Variants in CA4 observed in about 807,000 individuals in gnomAD.
CA4 encodes the protein carbonic anhydrase 4, also known as CA-IV.
CA4 carries 24 observed loss-of-function variants against 34.5 expected under a neutral mutation model. That is an observed-to-expected ratio of 0.70 (90% CI 0.50 to 0.98). CA4 has a LOEUF of 0.98. Among genes scored for constraint, CA4 ranks in the 50% least tolerant of loss-of-function variants. CA4 has a pLI of 0.00. For missense variants in CA4, 394 were observed against 396.7 expected, an observed-to-expected ratio of 0.99 and a Z score of 0.06; for synonymous variants, 178 against 170.6, an observed-to-expected ratio of 1.04 and a Z score of -0.34.
chr17:60,154,468 T>C (rs2083645275), intron 1 of CA4, among the ~76,000 whole-genome samples: 2 of 152,206 alleles, frequency 1.3e-5, no homozygotes, highest in South Asian at 2.1e-4. Flanking sequence ...GGATGAGATG[T>C]TGTGTTCGCC....
Position 60,158,415 on chromosome 17 carries a change from T to A in CA4, c.713T>A (p.Phe238Tyr), listed in dbSNP as rs751538704. Residue 238 changes from phenylalanine (F) to tyrosine (Y), a missense_variant, in exon 7 of 8, where the codon TTC (phenylalanine) becomes TAC (tyrosine). Physicochemically the swap from Phe to Tyr is conservative, Grantham distance 22. Coordinates refer to ENST00000300900, the MANE Select transcript of CA4 (RefSeq NM_000717.5). The stretch of plus-strand genomic sequence containing the variant: ...GATGAGAAGGTCGTCTGGACTGTGT[T>A]CCGGGAGCCCATTCAGCTTCACAGA... The part of the protein sequence containing the change: ...TCDEKVVWTV[F>Y]REPIQLHREQ... 3.3e-5 allele frequency: 53 copies of A among 1,614,040 alleles called. No homozygotes were observed. Among genetic ancestry groups the A allele is most frequent in the Non-Finnish European group, 4.4e-5 (52 of 1,180,014 alleles).
intron 7 of CA4, chr17:60,158,895 G>A: frequency 2.3e-6 from 1 of 439,874 alleles, no homozygotes; most frequent in Non-Finnish European, 4.2e-6. Flanking sequence ...CCAGGCATCT[G>A]GGGCCCAACA....
intron 5 of CA4, among the ~76,000 whole-genome samples, chr17:60,164,772 C>T (rs1376253979): frequency 6.6e-6 from 1 of 152,044 alleles, no homozygotes; most frequent in Non-Finnish European, 1.5e-5. Flanking sequence ...TGGGCTCTTC[C>T]TCCGAGACTC....
chr17:60,156,419 T>A lies in CA4; in HGVS notation c.113-141T>A, dbSNP rs549283805. On this transcript the variant is annotated intron_variant, in intron 2 of 7. Transcript: ENST00000300900. ...CGAGAGTGGAGTTCGGAGCTGAGCATCCCTGCAGCACAGCCTTCAGGCCAC... is the reference window on the plus strand; with the variant it reads ...CGAGAGTGGAGTTCGGAGCTGAGCAACCCTGCAGCACAGCCTTCAGGCCAC... 4 of 825,560 alleles carry A rather than the reference T, an allele frequency of 4.8e-6. No individual in the cohort carries two copies. In the African/African-American group the frequency reaches 5.0e-5, roughly 10 times the overall value. The allele number at this position is 825,560 out of a possible 1,614,324, so 51.1% of individuals were successfully genotyped here. A position where few individuals can be genotyped will look rare whatever the true frequency, so the allele number is the denominator to read the frequency against.
downstream of CA4, among the ~76,000 whole-genome samples, chr17:60,163,565 T>C (rs1232151514): frequency 6.6e-6 from 1 of 152,192 alleles, no homozygotes; most frequent in East Asian, 1.9e-4. Flanking sequence ...CTAGCCGCTC[T>C]GTTTGTTTAT....
chr17:60,162,810 G>C (rs2083807794), downstream of CA4, among the ~76,000 whole-genome samples: 1 of 152,196 alleles, frequency 6.6e-6, no homozygotes, highest in South Asian at 2.1e-4. Flanking sequence ...CCAAGGCACA[G>C]AGAGGGACGG....
At chr17:60,163,130 C>A (rs2145294294), downstream of CA4, among the ~76,000 whole-genome samples, 1 of 149,144 alleles carries the variant, frequency 6.7e-6, no homozygotes, top group African/African-American at 2.5e-5. Flanking sequence ...TGGCTCTGAT[C>A]TGACAATGTA....
chr17:60,162,151 C>T (rs151217524), downstream of CA4, among the ~76,000 whole-genome samples: 990 of 152,230 alleles, frequency 6.5e-3, 10 homozygotes, highest in African/African-American at 0.022. Context: ...GCCCTCCCTG[C>T]GGCCCAGAGG....
At chr17:60,164,144 TCCTCCCTCCCTC>T (rs770995303), downstream of CA4, among the ~76,000 whole-genome samples, 219 of 147,122 alleles carry the variant, frequency 1.5e-3, no homozygotes, top group African/African-American at 4.7e-3. Context: ...TAATCTTCCT[TCCTCCCTCCCTC>T]CCTCCCTCCC....
At chr17:60,173,364 A>C (rs1201250940), downstream of CA4, among the ~76,000 whole-genome samples, 2 of 152,146 alleles carry the variant, frequency 1.3e-5, no homozygotes, top group African/African-American at 4.8e-5. Flanking sequence ...TCCACTCAGC[A>C]CAAACAGGCT....
At chr17:60,171,869 A>G (rs1055040323), downstream of CA4, among the ~76,000 whole-genome samples, 1 of 152,192 alleles carries the variant, frequency 6.6e-6, no homozygotes. Flanking sequence ...CACAGGGGGA[A>G]CCGAGGCGCG....
downstream of CA4, among the ~76,000 whole-genome samples, chr17:60,161,675 C>G (rs889858175): frequency 3.3e-5 from 5 of 151,886 alleles, no homozygotes; most frequent in Non-Finnish European, 7.4e-5. Flanking sequence ...CCTCCCTCCT[C>G]CCTTTCCCTC....
intron 1 of CA4, among the ~76,000 whole-genome samples, chr17:60,154,451 A>G (rs1474082026): frequency 6.6e-6 from 1 of 152,178 alleles, no homozygotes; most frequent in Non-Finnish European, 1.5e-5. Flanking sequence ...CCAGAATTCC[A>G]AGCTCTGGAT....
intron 3 of CA4, chr17:60,157,089 C>T: frequency 1.9e-6 from 1 of 522,482 alleles, no homozygotes; most frequent in Non-Finnish European, 3.5e-6. Flanking sequence ...GGCCCAAGGG[C>T]AGATCACCCA....
downstream of CA4, among the ~76,000 whole-genome samples, chr17:60,161,518 G>T (rs2145289696): frequency 6.6e-6 from 1 of 152,168 alleles, no homozygotes; most frequent in East Asian, 1.9e-4. Context: ...GGCACTGAGG[G>T]ATTCCATCAC....
intron 3 of CA4, among the ~76,000 whole-genome samples, 169 bp from the exon 4 acceptor site, chr17:60,157,258 C>T (rs1257053020): frequency 3.9e-5 from 6 of 152,318 alleles, no homozygotes; most frequent in Admixed American, 2.0e-4. Flanking sequence ...GGGAAAGGTC[C>T]GGGGCTGTCC....
intron 5 of CA4, among the ~76,000 whole-genome samples, chr17:60,166,106 T>A (rs572806891): frequency 6.6e-5 from 10 of 152,178 alleles, no homozygotes; most frequent in African/African-American, 1.4e-4. Flanking sequence ...TAGTAACTGA[T>A]AACAGACTGA....
downstream of CA4, among the ~76,000 whole-genome samples, chr17:60,162,492 C>G (rs1320832886): frequency 4.6e-5 from 7 of 151,724 alleles, no homozygotes; most frequent in Admixed American, 3.3e-4. Flanking sequence ...TCCAGCCTGG[C>G]CCCTGAGCCC....
At chr17:60,164,426 G>T (rs769420247), downstream of CA4, among the ~76,000 whole-genome samples, 1 of 149,110 alleles carries the variant, frequency 6.7e-6, no homozygotes, top group Non-Finnish European at 1.5e-5. Context: ...GTCTCACTCT[G>T]TTGCCCAGAC....
Sources: allele counts gnomAD v4.1 joint callset (sites outside exome capture counted in the v4.1 genomes callset), GRCh38; gene constraint gnomAD v4.1.1; transcripts MANE v1.5; gene names NCBI Gene and HGNC (gene_info 2026-07-23, HGNC 2026-07-21).